The following IMMP2L variants were observed in gnomAD, a reference collection of about 807,000 sequenced individuals.
IMMP2L encodes mitochondrial inner membrane protease subunit 2.
A neutral mutation model predicts 19.3 loss-of-function variants in IMMP2L; 18 were observed. The ratio of observed to expected loss-of-function variants is 0.93; its 90% confidence interval spans 0.64 to 1.38. The LOEUF (loss-of-function observed/expected upper bound fraction) is 1.38. IMMP2L is among the 40% of genes most tolerant of loss of function. The pLI is 0.00. For synonymous variants in IMMP2L, 76 were observed against 73.0 expected (o/e 1.04, Z -0.21); for missense variants, 233 against 218.2 (o/e 1.07, Z -0.43).
chr7:111,396,573 G>T (rs1445913784), intron 3 of IMMP2L, among the ~76,000 whole-genome samples: 1 of 151,906 alleles, frequency 6.6e-6, no homozygotes, highest in Non-Finnish European at 1.5e-5. Context: ...CCTAGATGAT[G>T]GGTTGACAGG....
chr7:111,483,868 G>A (rs1356177375), intron 3 of IMMP2L: 1 of 152,130 alleles, frequency 6.6e-6, no homozygotes, highest in Non-Finnish European at 1.5e-5. Flanking sequence ...TGAAGGCTAC[G>A]TATACTAATG....
intron 3 of IMMP2L, among the ~76,000 whole-genome samples, chr7:111,372,359 ATAAAATACT>A (rs1288970264): frequency 2.6e-5 from 4 of 152,072 alleles, no homozygotes; most frequent in Non-Finnish European, 4.4e-5. Context: ...GAATACTTCT[ATAAAATACT>A]GGAGCCACAT....
At chr7:111,068,071 T>A (rs1370118657) in intron 3 of IMMP2L, among the ~76,000 whole-genome samples, 1 of 152,098 alleles carries the variant, frequency 6.6e-6, no homozygotes, top group Non-Finnish European at 1.5e-5. Context: ...AATAAAATCA[T>A]AAACCATTTT....
At chr7:110,786,280 T>C (rs1327274064) in intron 5 of IMMP2L, among the ~76,000 whole-genome samples, 2 of 151,928 alleles carry the variant, frequency 1.3e-5, no homozygotes, top group East Asian at 3.9e-4. Flanking sequence ...TCAGATGAGT[T>C]TTTCAGTTGC....
intron 3 of IMMP2L, among the ~76,000 whole-genome samples, chr7:111,370,856 G>A (rs922181655): frequency 1.3e-5 from 2 of 151,888 alleles, no homozygotes; most frequent in African/African-American, 4.8e-5. Flanking sequence ...TGCACATGGT[G>A]AGAAAATATT....
At chr7:110,852,199 A>AGGAT (rs35319498) in intron 5 of IMMP2L, among the ~76,000 whole-genome samples, 49,172 of 148,668 alleles carry the variant, frequency 0.33, 8,394 homozygotes, top group East Asian at 0.6. Flanking sequence ...GGTGGATGGA[A>AGGAT]GGATGGATGG....
chr7:111,007,805 C>T (rs1196495359), intron 3 of IMMP2L, among the ~76,000 whole-genome samples: 4 of 152,004 alleles, frequency 2.6e-5, no homozygotes, highest in Non-Finnish European at 5.9e-5. Context: ...TACTGCCTAC[C>T]TGTTATCTCC....
intron 5 of IMMP2L, among the ~76,000 whole-genome samples, chr7:110,866,396 A>C (rs1380808926): frequency 1.3e-5 from 2 of 151,764 alleles, no homozygotes; most frequent in African/African-American, 4.8e-5. Context: ...AGAGGCAAGC[A>C]GAAGGAAGAT....
At chr7:111,402,916 T>G (rs1299258253) in intron 3 of IMMP2L, among the ~76,000 whole-genome samples, 1 of 151,790 alleles carries the variant, frequency 6.6e-6, no homozygotes, top group Admixed American at 6.6e-5. Flanking sequence ...CTTTCTTTTC[T>G]TTCTCTGAGA....
intron 5 of IMMP2L, among the ~76,000 whole-genome samples, chr7:110,821,627 G>C (rs1170418442): frequency 6.6e-6 from 1 of 151,896 alleles, no homozygotes; most frequent in East Asian, 1.9e-4. Flanking sequence ...AAAAAGGAAA[G>C]GTAGGCTGGG....
intron 4 of IMMP2L, among the ~76,000 whole-genome samples, chr7:110,903,919 C>T (rs544237411): frequency 6.6e-6 from 1 of 152,076 alleles, no homozygotes; most frequent in South Asian, 2.1e-4. Context: ...GTCATCCTCA[C>T]AAGTGTGAGG....
chr7:111,249,229 C>G (rs367995880), intron 3 of IMMP2L, among the ~76,000 whole-genome samples: 156 of 95,432 alleles, frequency 1.6e-3, no homozygotes, highest in African/African-American at 6.3e-3. Context: ...CGTGGTGCGC[C>G]GTTTCTTAAG....
chr7:111,451,614 A>G (rs1268402578), intron 3 of IMMP2L, among the ~76,000 whole-genome samples: 1 of 149,710 alleles, frequency 6.7e-6, no homozygotes, highest in African/African-American at 2.5e-5. Context: ...CTAATGCTAG[A>G]TGACGAGTTA....
intron 3 of IMMP2L, among the ~76,000 whole-genome samples, chr7:111,417,993 A>G (rs1030220678): frequency 3.9e-5 from 6 of 151,950 alleles, no homozygotes; most frequent in East Asian, 1.9e-4. Flanking sequence ...ATAGTACAGG[A>G]AAGTCCAATT....
At chr7:111,173,875 C>T (rs543420264) in intron 3 of IMMP2L, among the ~76,000 whole-genome samples, 5 of 151,744 alleles carry the variant, frequency 3.3e-5, no homozygotes, top group South Asian at 4.1e-4. Flanking sequence ...AAATATCTGT[C>T]GTTCACTGTT....
chr7:110,873,429 CAAAAAAAAAAAAAAA>C (rs60827428), intron 5 of IMMP2L, among the ~76,000 whole-genome samples: 3 of 28,958 alleles, frequency 1.0e-4, no homozygotes, highest in African/African-American at 9.4e-5. Flanking sequence ...GACTCTATCT[CAAAAAAAAAAAAAAA>C]AAAAAAAAAA....
chr7:111,147,547 A>ACTT (rs1001522831), intron 3 of IMMP2L, among the ~76,000 whole-genome samples: 2 of 152,092 alleles, frequency 1.3e-5, no homozygotes, highest in Non-Finnish European at 2.9e-5. Context: ...CCAGTAGGTC[A>ACTT]CTTTAGTGCA....
In IMMP2L at chr7:111,556,663, C is replaced by G. The variant is rs116959084; in HGVS notation, c.-3+5188G>C. Among the ~76,000 whole-genome samples the G allele has an allele frequency of 3.1e-3, 473 of 152,284 alleles. 6 individuals are homozygous for G. Among genetic ancestry groups the G allele is most frequent in the East Asian group, 9.6e-3 (50 of 5,182 alleles). On this transcript the variant is annotated intron_variant, in intron 1 of 5. Coordinates refer to ENST00000405709, the MANE Select transcript of IMMP2L (RefSeq NM_032549.4). Reference sequence around the variant, plus strand: ...ATCATACTTAATGGCCACTCTCCTTCAGCATCTTTACATCTTTCTCTTTTA... The same window carrying G: ...ATCATACTTAATGGCCACTCTCCTTGAGCATCTTTACATCTTTCTCTTTTA...
At chr7:110,963,068 T>A (rs955983565) in intron 4 of IMMP2L, 1 of 1,527,494 alleles carries the variant, frequency 6.5e-7, no homozygotes, top group Admixed American at 2.0e-5. Context: ...CTGTTTCATA[T>A]CCTTTTCAGT....
Sources: gnomAD v4.1 joint callset for allele counts (sites outside exome capture counted in the v4.1 genomes callset) on GRCh38, gnomAD v4.1.1 for gene constraint, MANE v1.5 for transcripts, NCBI Gene and HGNC (gene_info 2026-07-23, HGNC 2026-07-21) for gene names.